LAMA2: variants seen among roughly 807,000 people sequenced by gnomAD.
The protein encoded by LAMA2 is laminin subunit alpha 2.
A neutral mutation model predicts 364.8 loss-of-function variants in LAMA2; 269 were observed. The ratio of observed to expected loss-of-function variants is 0.74; its 90% CI spans 0.67 to 0.82. The LOEUF is 0.82. Ranked by LOEUF, LAMA2 falls within the 40% of genes least tolerant of loss-of-function variation. The pLI is 0.00. For missense variants in LAMA2, 3,807 were observed against 3,873.2 expected, an observed-to-expected ratio of 0.98 and a Z score of 0.45; for synonymous variants, 1,379 against 1,370.6, an observed-to-expected ratio of 1.01 and a Z score of -0.14.
chr6:129,176,815 T>A (rs550075362), intron 9 of LAMA2, among the ~76,000 whole-genome samples: 6 of 152,250 alleles, frequency 3.9e-5, no homozygotes, highest in Non-Finnish European at 5.9e-5. Flanking sequence ...TTCATTTTGT[T>A]TATCTCTTGT....
intron 1 of LAMA2, among the ~76,000 whole-genome samples, chr6:128,988,818 T>C (rs1376111089): frequency 6.6e-6 from 1 of 152,186 alleles, no homozygotes; most frequent in Non-Finnish European, 1.5e-5. Context: ...CCTAAAATTG[T>C]TCATTTAAAC....
intron 1 of LAMA2, among the ~76,000 whole-genome samples, chr6:129,045,295 G>C (rs1173359251): frequency 2.0e-5 from 3 of 152,132 alleles, no homozygotes; most frequent in African/African-American, 7.2e-5. Context: ...AGTGTCTTTA[G>C]TTTTATGGTT....
chr6:128,998,355 A>G (rs923983532), intron 1 of LAMA2, among the ~76,000 whole-genome samples: 2 of 152,220 alleles, frequency 1.3e-5, no homozygotes, highest in African/African-American at 4.8e-5. Context: ...GTCTTATAGA[A>G]TATTGTTTCT....
At chr6:129,175,147 A>G (rs1780491999) in intron 9 of LAMA2, among the ~76,000 whole-genome samples, 1 of 152,230 alleles carries the variant, frequency 6.6e-6, no homozygotes, top group South Asian at 2.1e-4. Context: ...TATTTATTTT[A>G]CCAGAGTATG....
chr6:129,413,591 T>A (rs1450953713), intron 40 of LAMA2, among the ~76,000 whole-genome samples: 1 of 152,162 alleles, frequency 6.6e-6, no homozygotes, highest in African/African-American at 2.4e-5. Context: ...CCTCTTATCA[T>A]AATGCAATAC....
At chr6:128,972,756 G>A (rs1782265057) in intron 1 of LAMA2, among the ~76,000 whole-genome samples, 1 of 151,878 alleles carries the variant, frequency 6.6e-6, no homozygotes, top group Non-Finnish European at 1.5e-5. Flanking sequence ...GGAAAGGATG[G>A]TTTGTAGAAC....
intron 18 of LAMA2, 73 bp from the exon 19 acceptor site, chr6:129,287,774 G>C (rs1269783888): frequency 8.5e-7 from 1 of 1,180,492 alleles, no homozygotes; most frequent in African/African-American, 1.5e-5. Context: ...GAGAAGGGGA[G>C]AATGAAAAAT....
chr6:129,053,497 C>T (rs1788238204), intron 2 of LAMA2, among the ~76,000 whole-genome samples: 1 of 151,690 alleles, frequency 6.6e-6, no homozygotes, highest in Non-Finnish European at 1.5e-5. Context: ...GAGCCCTTTG[C>T]TTTTATGTAA....
In LAMA2 at chr6:129,192,678, A is replaced by G; in HGVS notation, c.1609-2A>G. 6.2e-7 allele frequency: 1 copy of G among 1,613,820 alleles called. No individual in the cohort carries two copies. The highest frequency in any genetic ancestry group is 8.5e-7 in the Non-Finnish European group (1 of 1,179,686). On this transcript the variant is annotated splice_acceptor_variant, in intron 11 of 64. Transcript: ENST00000421865. LOFTEE classifies it high-confidence loss of function. The stretch of plus-strand genomic sequence containing the variant: ...TAATGATGACTGTGTGTTTTCTCTA[A>G]GATACAAGATATGAGTGGCTGGTAT...
At chr6:129,051,312 T>A (rs966877572) in intron 2 of LAMA2, among the ~76,000 whole-genome samples, 1 of 148,808 alleles carries the variant, frequency 6.7e-6, no homozygotes, top group Non-Finnish European at 1.5e-5. Flanking sequence ...ATATATTATT[T>A]TATTTTTATT....
chr6:129,427,530 A>G (rs1193925636), intron 40 of LAMA2, among the ~76,000 whole-genome samples: 1 of 152,158 alleles, frequency 6.6e-6, no homozygotes, highest in Non-Finnish European at 1.5e-5. Flanking sequence ...TACTCCCTAA[A>G]CATTGAAGTT....
At chr6:129,280,432 C>G (rs1788642111) in intron 18 of LAMA2, among the ~76,000 whole-genome samples, 1 of 152,094 alleles carries the variant, frequency 6.6e-6, no homozygotes, top group South Asian at 2.1e-4. Flanking sequence ...AAGCATTGCT[C>G]AAGTGGAAAG....
At chr6:129,476,913 C>T (rs1784094058) in intron 53 of LAMA2, among the ~76,000 whole-genome samples, 1 of 152,150 alleles carries the variant, frequency 6.6e-6, no homozygotes, top group South Asian at 2.1e-4. Flanking sequence ...AGACACCTGA[C>T]ATGAAATAAA....
chr6:129,373,854 A>G (rs1778224437), intron 34 of LAMA2, among the ~76,000 whole-genome samples: 1 of 152,178 alleles, frequency 6.6e-6, no homozygotes, highest in South Asian at 2.1e-4. Context: ...AATATGACTT[A>G]TTACTGTGGA....
At chr6:128,906,712 T>C (rs1226610796) in intron 1 of LAMA2, among the ~76,000 whole-genome samples, 1 of 152,136 alleles carries the variant, frequency 6.6e-6, no homozygotes, top group Admixed American at 6.5e-5. Context: ...TCCTTACCCA[T>C]GCCTATGTCC....
At position 129,503,218 on chromosome 6, in the gene LAMA2, T is replaced by C. The variant is rs1785789043; in HGVS notation, c.8485T>C (p.Leu2829=). 1.2e-6 allele frequency: 2 copies of C among 1,614,008 alleles called. No homozygotes were observed. The highest frequency in any genetic ancestry group is 1.7e-6 in the Non-Finnish European group (2 of 1,179,994). ...RNGLPYFSYD[L]GSGDTHTMIP... is the part of the protein sequence containing the mutation. ...TGGATTGCCCTACTTCAGCTATGAC[T>C]TGGGGAGTGGGGACACCCACACCAT... The change falls in exon 60 of 65, where the codon TTG becomes CTG. Residue 2829 remains leucine (L), a synonymous_variant. Transcript: ENST00000421865.
chr6:129,297,962 T>C lies in LAMA2; in HGVS notation c.3037+97T>C, dbSNP rs1352837141. On this transcript the variant is annotated intron_variant, in intron 21 of 64. Coordinates refer to ENST00000421865, the MANE Select transcript of LAMA2 (RefSeq NM_000426.4). ...TTCTTTTAAAGGAAGCACAGATTGATACAACGTATTTAACATAATGAGTAA... is the reference window on the plus strand; with the variant it reads ...TTCTTTTAAAGGAAGCACAGATTGACACAACGTATTTAACATAATGAGTAA... 3.1e-6 allele frequency: 3 copies of C among 967,368 alleles called. No homozygotes were observed. The East Asian group carries it at 8.0e-5, about 26-fold the overall frequency. 59.9% of individuals were successfully genotyped at this position (967,368 alleles called of 1,614,324 possible).
intron 34 of LAMA2, among the ~76,000 whole-genome samples, chr6:129,374,114 C>T (rs1272874560): frequency 1.3e-5 from 2 of 152,172 alleles, no homozygotes; most frequent in African/African-American, 2.4e-5. Flanking sequence ...ATATATCTTC[C>T]ATGCAGACCA....
intron 2 of LAMA2, among the ~76,000 whole-genome samples, chr6:129,053,271 G>T (rs901006001): frequency 6.6e-6 from 1 of 152,090 alleles, no homozygotes. Context: ...CTCCATGTTG[G>T]TTAGGCTGGT....
Sources: gnomAD v4.1 joint callset for allele counts (sites outside exome capture counted in the v4.1 genomes callset) on GRCh38, gnomAD v4.1.1 for gene constraint, MANE v1.5 for transcripts, NCBI Gene and HGNC (gene_info 2026-07-23, HGNC 2026-07-21) for gene names.